The following GTF3C2 variants were observed in gnomAD, a reference collection of about 807,000 sequenced individuals.
The protein encoded by GTF3C2 is general transcription factor 3C polypeptide 2.
GTF3C2 carries 17 observed loss-of-function variants against 117.4 expected under a neutral mutation model. The observed-to-expected ratio is 0.14, with a 90% CI of 0.10 to 0.22. The LOEUF is 0.22. GTF3C2 is among the 10% of genes least tolerant of loss of function. The probability of loss-of-function intolerance (pLI) is 1.00; values close to 1 mark genes in which losing one functional copy is unlikely to be tolerated. For missense variants in GTF3C2, 888 were observed against 1,143.6 expected (o/e 0.78, Z 3.22); for synonymous variants, 437 against 427.0 (o/e 1.02, Z -0.29).
At chr2:27,331,182 G>C (rs574008861) in intron 12 of GTF3C2, among the ~76,000 whole-genome samples, 1 of 152,300 alleles carries the variant, frequency 6.6e-6, no homozygotes, top group African/African-American at 2.4e-5. Context: ...TAAGAAAGCA[G>C]AACAGCATCG....
At chr2:27,335,704 A>T in exon 10 of GTF3C2, 2 of 1,552,666 alleles carry the variant, frequency 1.3e-6, no homozygotes, top group Non-Finnish European at 1.7e-6. Flanking sequence ...GCAGGAGAGG[A>T]GCCTAAAGGG....
At chr2:27,337,782 C>A in intron 5 of GTF3C2, 144 bp downstream of exon 5, 1 of 717,274 alleles carries the variant, frequency 1.4e-6, no homozygotes, top group East Asian at 2.4e-5. Flanking sequence ...GCTCTTGCCT[C>A]TAGAGCAGTG....
At chr2:27,327,985 A>G (rs1680146563) in intron 17 of GTF3C2, 52 bp downstream of exon 17, 2 of 1,504,678 alleles carry the variant, frequency 1.3e-6, no homozygotes, top group South Asian at 1.2e-5. Flanking sequence ...TACAAAGACT[A>G]AAGTTTTCTA....
intron 17 of GTF3C2, 75 bp downstream of exon 17, chr2:27,327,962 G>A (rs1680143581): frequency 1.6e-6 from 2 of 1,251,550 alleles, no homozygotes; most frequent in Non-Finnish European, 2.3e-6. Flanking sequence ...GCTGAACTCA[G>A]GCTTGCGTAC....
Position 27,348,298 on chromosome 2 carries a change from T to TG in GTF3C2, c.-24-4721dup, listed in dbSNP as rs1281452526. Among the ~76,000 whole-genome samples, 53 of 146,070 alleles carry TG rather than the reference T, an allele frequency of 3.6e-4. 1 individual carries two copies. Among genetic ancestry groups the TG allele is most frequent in the Non-Finnish European group, 1.9e-4 (13 of 66,974 alleles). ...AAAAAAAAAAAAAACTAGCTGGGCA[T>TG]GGTGGGCAGCAGGGACCTGTAGTCC... On this transcript the variant is annotated intron_variant, in intron 1 of 18. Transcript: ENST00000264720.
chr2:27,329,191 A>G lies in GTF3C2; in HGVS notation c.1969T>C (p.Leu657=), dbSNP rs1426625074. ...AGCAGCCAGGCCAGTTCTGTACTCA[A>G]GAAGCGCTTGATAGAGTTTATGGGT... Residue 657 remains leucine (L), a synonymous_variant, in exon 14 of 19, where the codon TTG becomes CTG. Coordinates refer to ENST00000264720, the Ensembl canonical transcript of GTF3C2. This position sits in a 1 kb window ranked among gnomAD's most constrained non-coding sequence, Gnocchi z 4.5. The G allele has an allele frequency of 6.2e-7, 1 of 1,614,080 alleles. No individual in the cohort carries two copies. Among genetic ancestry groups the G allele is most frequent in the South Asian group, 1.1e-5 (1 of 91,082 alleles).
chr2:27,356,191 A>G (rs1572591115), intron 1 of GTF3C2: 1 of 845,446 alleles, frequency 1.2e-6, no homozygotes, highest in East Asian at 6.2e-5. Context: ...AAAGGACTAG[A>G]CAGGGAAACA....
chr2:27,331,164 T>C lies in GTF3C2; in HGVS notation c.1733-1641A>G, dbSNP rs144585479. Among the ~76,000 whole-genome samples, 461 of 152,230 alleles carry C rather than the reference T, an allele frequency of 3.0e-3. 1 individual carries two copies. The highest frequency in any genetic ancestry group is 0.01 in the African/African-American group (434 of 41,548). ...GACTGGTAGAGGCACTCAATCAAGT[T>C]TAGGAATTAAGAAAGCAGAACAGCA... On this transcript the variant is annotated intron_variant, in intron 12 of 18. Transcript: ENST00000264720.
intron 1 of GTF3C2, among the ~76,000 whole-genome samples, chr2:27,355,367 A>G (rs1681300499): frequency 1.3e-5 from 2 of 152,116 alleles, no homozygotes; most frequent in Admixed American, 1.3e-4. Context: ...CTAAAAATAC[A>G]AAAGTAGCCG....
At chr2:27,333,071 C>A (rs186128535) in intron 12 of GTF3C2, among the ~76,000 whole-genome samples, 1 of 152,048 alleles carries the variant, frequency 6.6e-6, no homozygotes, top group African/African-American at 2.4e-5. Flanking sequence ...GTCTTGAACT[C>A]CCAGCCTCAA....
At chr2:27,349,823 A>G (rs1437386713) in intron 1 of GTF3C2, among the ~76,000 whole-genome samples, 1 of 151,990 alleles carries the variant, frequency 6.6e-6, no homozygotes, top group Non-Finnish European at 1.5e-5. Context: ...ATTTTTTAGT[A>G]GAGACGGGGT....
intron 4 of GTF3C2, among the ~76,000 whole-genome samples, chr2:27,338,491 AATCTC>A (rs770231747): frequency 4.6e-5 from 7 of 152,138 alleles, no homozygotes; most frequent in South Asian, 4.1e-4. Flanking sequence ...CACTCCTGGT[AATCTC>A]ATCTCATGTC....
intron 8 of GTF3C2, 80 bp from the exon 9 acceptor site, chr2:27,336,108 G>A: frequency 7.1e-7 from 1 of 1,401,654 alleles, no homozygotes; most frequent in Non-Finnish European, 1.0e-6. Flanking sequence ...CCTTGTCTCA[G>A]CCCAATCCAA....
At chr2:27,342,321 C>G (rs1376446236) in intron 3 of GTF3C2, 88 bp from the exon 4 acceptor site, 1 of 1,049,450 alleles carries the variant, frequency 9.5e-7, no homozygotes, top group South Asian at 1.6e-5. Context: ...CTCAATGGAG[C>G]CTCCCAATAA....
At chr2:27,356,230 T>G (rs1435798121) in intron 1 of GTF3C2, 1 of 552,700 alleles carries the variant, frequency 1.8e-6, no homozygotes, top group African/African-American at 1.9e-5. Flanking sequence ...GCCAATGGCG[T>G]TGCAGCGCGC....
At chr2:27,337,436 G>C (rs771070358) in intron 6 of GTF3C2, 45 bp downstream of exon 6, 1 of 1,477,772 alleles carries the variant, frequency 6.8e-7, no homozygotes, top group Non-Finnish European at 9.5e-7. Flanking sequence ...TTCGTCTCCA[G>C]TGGTGTCACC....
At chr2:27,343,394 G>C (rs1358311148) in exon 2 of GTF3C2, 2 of 1,613,856 alleles carry the variant, frequency 1.2e-6, no homozygotes, top group Non-Finnish European at 1.7e-6. Flanking sequence ...CAAAGGGGTA[G>C]GTAATGACAT....
chr2:27,339,564 G>A (rs943818475), intron 4 of GTF3C2: 3 of 151,798 alleles, frequency 2.0e-5, no homozygotes, highest in Non-Finnish European at 2.9e-5. Context: ...CAATTACTGA[G>A]GGTTTCTGTT....
intron 18 of GTF3C2, 126 bp downstream of exon 18, chr2:27,327,051 C>G (rs1162118762): frequency 1.5e-6 from 1 of 672,854 alleles, no homozygotes; most frequent in East Asian, 2.7e-5. Context: ...GAATGAGGTA[C>G]GTCTGTCATG....
Sources: gnomAD v4.1 joint callset for allele counts (sites outside exome capture counted in the v4.1 genomes callset) on GRCh38, gnomAD v4.1.1 for gene constraint, Gnocchi (gnomAD v3.1) non-coding constraint, MANE v1.5 for transcripts, NCBI Gene and HGNC (gene_info 2026-07-23, HGNC 2026-07-21) for gene names.